SMYD3: variants seen among roughly 807,000 people sequenced by gnomAD.
SMYD3 encodes histone-lysine N-methyltransferase SMYD3.
SMYD3 carries 36 observed loss-of-function variants against 57.7 expected under a neutral mutation model. The observed-to-expected ratio is 0.62, with a 90% CI of 0.48 to 0.82. SMYD3 has a LOEUF of 0.82. Among genes scored for constraint, SMYD3 ranks in the 40% least tolerant of loss-of-function variants. The probability of loss-of-function intolerance (pLI) is 0.00; values close to 1 mark genes in which losing one functional copy is unlikely to be tolerated. For synonymous variants in SMYD3, 211 were observed against 195.0 expected, an observed-to-expected ratio of 1.08 and a Z score of -0.68; for missense variants, 515 against 538.8, an observed-to-expected ratio of 0.96 and a Z score of 0.44.
chr1:246,065,555 C>T (rs922125425), intron 5 of SMYD3, among the ~76,000 whole-genome samples: 1 of 152,176 alleles, frequency 6.6e-6, no homozygotes, highest in Admixed American at 6.5e-5. Flanking sequence ...TATTAGAAAA[C>T]CCTCAAGTTC....
At chr1:246,319,688 C>A (rs1259547468) in intron 5 of SMYD3, among the ~76,000 whole-genome samples, 1 of 152,134 alleles carries the variant, frequency 6.6e-6, no homozygotes, top group Admixed American at 6.5e-5. Context: ...TTCAAAACAA[C>A]AGAGGTAATA....
chr1:246,057,108 C>A (rs2060165270), intron 5 of SMYD3, among the ~76,000 whole-genome samples: 1 of 152,296 alleles, frequency 6.6e-6, no homozygotes, highest in African/African-American at 2.4e-5. Flanking sequence ...TCCTCGGCAA[C>A]ACAGTAAGAC....
intron 10 of SMYD3, among the ~76,000 whole-genome samples, chr1:245,783,012 G>A (rs553390894): frequency 6.6e-6 from 1 of 152,218 alleles, no homozygotes; most frequent in African/African-American, 2.4e-5. Flanking sequence ...ATGTGGGGCT[G>A]GCTTCTACAG....
intron 1 of SMYD3, among the ~76,000 whole-genome samples, chr1:246,381,547 A>G (rs1283206024): frequency 5.9e-5 from 9 of 152,186 alleles, no homozygotes; most frequent in Admixed American, 5.9e-4. Flanking sequence ...ACCATGAAGG[A>G]AGACCAATGA....
chr1:246,036,593 G>A (rs1038238038), intron 5 of SMYD3, among the ~76,000 whole-genome samples: 10 of 139,820 alleles, frequency 7.2e-5, no homozygotes, highest in Non-Finnish European at 1.1e-4. Context: ...TCGCTTTGTT[G>A]CCCAGGCTGG....
intron 5 of SMYD3, among the ~76,000 whole-genome samples, chr1:245,979,144 G>A (rs1462134449): frequency 1.3e-5 from 2 of 152,118 alleles, no homozygotes; most frequent in Non-Finnish European, 2.9e-5. Context: ...CCCTCTCTCT[G>A]TCATCACACA....
At chr1:246,296,969 GGA>G in intron 5 of SMYD3, among the ~76,000 whole-genome samples, 1 of 152,196 alleles carries the variant, frequency 6.6e-6, no homozygotes, top group East Asian at 1.9e-4. Flanking sequence ...ATACAATAAA[GGA>G]AACTCATGAG....
chr1:246,186,640 T>C, intron 5 of SMYD3: 2 of 545,820 alleles, frequency 3.7e-6, no homozygotes, highest in East Asian at 1.5e-4. Context: ...GTTCATTTCA[T>C]ATCAGCCCCA....
chr1:246,439,267 A>G (rs2067428368), intron 1 of SMYD3, among the ~76,000 whole-genome samples: 1 of 152,100 alleles, frequency 6.6e-6, no homozygotes, highest in South Asian at 2.1e-4. Context: ...CAGTCCAAAT[A>G]TTTTGAATCC....
At chr1:245,774,767 A>C (rs550664774) in intron 10 of SMYD3, among the ~76,000 whole-genome samples, 1 of 114,146 alleles carries the variant, frequency 8.8e-6, no homozygotes, top group South Asian at 3.0e-4. Flanking sequence ...GCTGGACTGT[A>C]CTGCTGCCAT....
At chr1:246,386,033 C>T (rs2066473277) in intron 1 of SMYD3, among the ~76,000 whole-genome samples, 1 of 152,108 alleles carries the variant, frequency 6.6e-6, no homozygotes, top group South Asian at 2.1e-4. Context: ...GGACTACAGG[C>T]ACCTGCCACC....
intron 1 of SMYD3, among the ~76,000 whole-genome samples, chr1:246,372,201 G>A (rs77437943): frequency 0.045 from 6,830 of 152,242 alleles, 196 homozygotes; most frequent in Non-Finnish European, 0.059. Context: ...TCTGCTGATA[G>A]CCATGGAACG....
chr1:246,164,725 G>A (rs772985861), intron 5 of SMYD3, among the ~76,000 whole-genome samples: 3 of 152,218 alleles, frequency 2.0e-5, no homozygotes, highest in African/African-American at 7.2e-5. Flanking sequence ...GACTGATAAC[G>A]TCTCTGCTCT....
intron 5 of SMYD3, among the ~76,000 whole-genome samples, chr1:246,294,932 T>A (rs908271129): frequency 6.6e-6 from 1 of 152,206 alleles, no homozygotes; most frequent in South Asian, 2.1e-4. Context: ...TGTCTTCATA[T>A]ATAAGGTGAG....
In SMYD3 at chr1:245,837,969, C is replaced by T. The variant is rs150423402; in HGVS notation, c.1076+20527G>A. On this transcript the variant is annotated intron_variant, in intron 10 of 11. Transcript: ENST00000490107. The stretch of plus-strand genomic sequence containing the variant: ...GTGTGATTCACCTCTGCAGGGCAGA[C>T]ATTGATTTTCCCACCAGGGAGTATC... Among the ~76,000 whole-genome samples, 410 of 152,346 alleles carry T rather than the reference C, an allele frequency of 2.7e-3. 1 individual carries two copies. The highest frequency in any genetic ancestry group is 9.3e-3 in the African/African-American group (385 of 41,584).
At chr1:246,107,101 C>A (rs915494237) in intron 5 of SMYD3, among the ~76,000 whole-genome samples, 40 of 118,070 alleles carry the variant, frequency 3.4e-4, no homozygotes, top group Non-Finnish European at 3.7e-4. Context: ...AGATCGAGAC[C>A]ACGGTGAAAC....
intron 1 of SMYD3, among the ~76,000 whole-genome samples, chr1:246,408,826 C>T (rs1336188710): frequency 6.6e-6 from 1 of 152,014 alleles, no homozygotes; most frequent in Non-Finnish European, 1.5e-5. Context: ...CCTGCCACCA[C>T]ACCTGGCTAA....
Position 245,821,780 on chromosome 1 carries a change from A to G in SMYD3, c.1076+36716T>C, listed in dbSNP as rs202166902. Among the ~76,000 whole-genome samples, 9 of 152,306 alleles carry G rather than the reference A, an allele frequency of 5.9e-5. No homozygotes were observed. The East Asian group carries it at 1.7e-3, about 29-fold the overall frequency. ...TCAAAAGAAGACATTTATGCAGCCAAAAGACACATGAAAACATGCTCATCA... is the reference window on the plus strand; with the variant it reads ...TCAAAAGAAGACATTTATGCAGCCAGAAGACACATGAAAACATGCTCATCA... On this transcript the variant is annotated intron_variant, in intron 10 of 11. Transcript: ENST00000490107.
chr1:246,143,880 T>C (rs2061802234), intron 5 of SMYD3, among the ~76,000 whole-genome samples: 1 of 152,198 alleles, frequency 6.6e-6, no homozygotes, highest in Non-Finnish European at 1.5e-5. Flanking sequence ...AGGATCAAGA[T>C]ATTGAACATT....
Sources: allele counts gnomAD v4.1 joint callset (sites outside exome capture counted in the v4.1 genomes callset), GRCh38; gene constraint gnomAD v4.1.1; transcripts MANE v1.5; gene names NCBI Gene and HGNC (gene_info 2026-07-23, HGNC 2026-07-21).